Variants in MYO3B observed in about 807,000 individuals in gnomAD.
MYO3B encodes the protein myosin-IIIb.
A neutral mutation model predicts 174.6 loss-of-function variants in MYO3B; 156 were observed. The ratio of observed to expected loss-of-function variants is 0.89; its 90% confidence interval spans 0.78 to 1.02. MYO3B has a LOEUF of 1.02. Among genes scored for constraint, MYO3B ranks in the 50% least tolerant of loss-of-function variants. The pLI is 0.00. For synonymous variants in MYO3B, 563 were observed against 569.1 expected (o/e 0.99, Z 0.15); for missense variants, 1,632 against 1,639.4 (o/e 1.00, Z 0.08).
rs144374874 is a variant in MYO3B, at chr2:170,590,863, G to A, written c.3733+46875G>A. On this transcript the variant is annotated intron_variant, in intron 32 of 34. Coordinates refer to ENST00000408978, the MANE Select transcript of MYO3B (RefSeq NM_138995.5). ...CCCTCAGGCCCTCTAGGGTGCTGCA[G>A]GGAGAAACGTTTGGCCGCAATACTC... 4.6e-3 allele frequency among the ~76,000 whole-genome samples: 694 copies of A among 152,172 alleles called. 6 individuals are homozygous for A. Among genetic ancestry groups the A allele is most frequent in the African/African-American group, 0.015 (619 of 41,500 alleles).
chr2:170,560,091 A>G (rs1445162617), intron 32 of MYO3B, among the ~76,000 whole-genome samples: 2 of 152,172 alleles, frequency 1.3e-5, no homozygotes, highest in African/African-American at 4.8e-5. Context: ...TTACTCTTCC[A>G]TTGCGAATCA....
At chr2:170,311,630 TTTC>T (rs1389557208) in intron 7 of MYO3B, among the ~76,000 whole-genome samples, 1 of 152,094 alleles carries the variant, frequency 6.6e-6, no homozygotes, top group Non-Finnish European at 1.5e-5. Context: ...CCAGTTTTTT[TTTC>T]TTTTGTTGCT....
chr2:170,511,941 G>A (rs1182527666), intron 28 of MYO3B, among the ~76,000 whole-genome samples: 1 of 152,174 alleles, frequency 6.6e-6, no homozygotes, highest in Non-Finnish European at 1.5e-5. Flanking sequence ...GAAAATAATG[G>A]ATTGACGGTC....
intron 32 of MYO3B, among the ~76,000 whole-genome samples, chr2:170,589,572 T>A (rs1034181036): frequency 5.9e-5 from 9 of 152,248 alleles, no homozygotes; most frequent in Non-Finnish European, 8.8e-5. Flanking sequence ...GTAAAAAAAA[T>A]TTTAAATAGA....
At chr2:170,201,535 T>C (rs889340932) in intron 3 of MYO3B, among the ~76,000 whole-genome samples, 2 of 152,236 alleles carry the variant, frequency 1.3e-5, no homozygotes, top group Admixed American at 6.5e-5. Context: ...AATTCATTTG[T>C]TATATTCAAA....
chr2:170,491,639 A>C (rs987495522), intron 25 of MYO3B, among the ~76,000 whole-genome samples: 48 of 152,254 alleles, frequency 3.2e-4, no homozygotes, highest in African/African-American at 1.1e-3. Flanking sequence ...CTTAGCCAGG[A>C]CGGTCTCAAT....
At chr2:170,616,767 G>A (rs975729114) in intron 32 of MYO3B, among the ~76,000 whole-genome samples, 16 of 152,302 alleles carry the variant, frequency 1.1e-4, no homozygotes, top group South Asian at 4.1e-4. Flanking sequence ...CAGAGATACC[G>A]TCTAAAACTT....
intron 32 of MYO3B, among the ~76,000 whole-genome samples, chr2:170,594,886 T>C (rs1694047612): frequency 6.6e-6 from 1 of 151,618 alleles, no homozygotes; most frequent in African/African-American, 2.4e-5. Flanking sequence ...CTCTCTACTT[T>C]CCTGAAGGCG....
chr2:170,374,154 G>T (rs2105705192), intron 9 of MYO3B, among the ~76,000 whole-genome samples: 1 of 152,316 alleles, frequency 6.6e-6, no homozygotes, highest in African/African-American at 2.4e-5. Flanking sequence ...AAGGAGTTAG[G>T]AGTAGAGAAA....
chr2:170,637,678 G>A (rs1019590819), intron 32 of MYO3B, among the ~76,000 whole-genome samples: 2 of 152,108 alleles, frequency 1.3e-5, no homozygotes, highest in African/African-American at 4.8e-5. Flanking sequence ...AAAGAAATTT[G>A]GTAGTTCTCT....
At chr2:170,322,065 G>T (rs1012701361) in intron 7 of MYO3B, among the ~76,000 whole-genome samples, 2 of 143,226 alleles carry the variant, frequency 1.4e-5, no homozygotes, top group African/African-American at 5.2e-5. Flanking sequence ...AGTGAGCCAA[G>T]ATCACGCCAC....
chr2:170,315,597 T>C (rs1281078251), intron 7 of MYO3B, among the ~76,000 whole-genome samples: 3 of 152,204 alleles, frequency 2.0e-5, no homozygotes, highest in African/African-American at 7.2e-5. Flanking sequence ...TGAGCCATCG[T>C]GCCCGGCCTT....
chr2:170,369,420 A>G, intron 9 of MYO3B, 43 bp downstream of exon 9: 4 of 1,579,858 alleles, frequency 2.5e-6, no homozygotes, highest in Non-Finnish European at 3.5e-6. Context: ...GTTGTTTATA[A>G]AAATGTCATG....
At chr2:170,355,865 G>A (rs1053819202) in intron 8 of MYO3B, among the ~76,000 whole-genome samples, 1 of 152,070 alleles carries the variant, frequency 6.6e-6, no homozygotes, top group Non-Finnish European at 1.5e-5. Context: ...TAAGACAGAT[G>A]GCTCTTGTCT....
chr2:170,547,295 A>T (rs1329184821), intron 32 of MYO3B, among the ~76,000 whole-genome samples: 1 of 150,484 alleles, frequency 6.6e-6, no homozygotes, highest in East Asian at 2.0e-4. Flanking sequence ...GCGCCACTGT[A>T]CTCCAGCCTG....
chr2:170,390,619 A>C (rs1316295544), intron 14 of MYO3B, among the ~76,000 whole-genome samples: 4 of 152,180 alleles, frequency 2.6e-5, no homozygotes, highest in Admixed American at 2.6e-4. Context: ...GGGGAGAAGA[A>C]AGACGATTTC....
At chr2:170,462,659 G>T (rs1684365714) in intron 23 of MYO3B, among the ~76,000 whole-genome samples, 1 of 152,240 alleles carries the variant, frequency 6.6e-6, no homozygotes, top group African/African-American at 2.4e-5. Context: ...CCACGGCAAG[G>T]CCAGTGCTAA....
intron 32 of MYO3B, among the ~76,000 whole-genome samples, chr2:170,605,596 G>T (rs914835873): frequency 6.6e-5 from 10 of 152,144 alleles, no homozygotes; most frequent in Non-Finnish European, 1.2e-4. Flanking sequence ...GGTGGCTCAC[G>T]CCTGCAATCC....
chr2:170,199,819 C>G (rs961555960), intron 2 of MYO3B, among the ~76,000 whole-genome samples: 3 of 152,134 alleles, frequency 2.0e-5, no homozygotes, highest in Non-Finnish European at 4.4e-5. Flanking sequence ...TCCCTTCAAG[C>G]AAGTTCTCCA....
Sources: allele counts gnomAD v4.1 joint callset (sites outside exome capture counted in the v4.1 genomes callset), GRCh38; gene constraint gnomAD v4.1.1; transcripts MANE v1.5; gene names NCBI Gene and HGNC (gene_info 2026-07-23, HGNC 2026-07-21).